ADAMTS17: variants seen among roughly 807,000 people sequenced by gnomAD.
ADAMTS17 encodes A disintegrin and metalloproteinase with thrombospondin motifs 17.
Under a neutral mutation model 141.5 loss-of-function variants are expected in ADAMTS17, and 113 were observed. That is an observed-to-expected ratio of 0.80 (90% confidence interval 0.69 to 0.93). The LOEUF is 0.93. Among genes scored for constraint, ADAMTS17 ranks in the 40% least tolerant of loss-of-function variants. ADAMTS17 has a pLI of 0.00. For synonymous variants in ADAMTS17, 768 were observed against 630.6 expected, an observed-to-expected ratio of 1.22 and a Z score of -3.27; for missense variants, 1,659 against 1,517.9, an observed-to-expected ratio of 1.09 and a Z score of -1.54.
chr15:100,280,501 G>T (rs966489740), intron 4 of ADAMTS17, among the ~76,000 whole-genome samples: 3 of 151,962 alleles, frequency 2.0e-5, no homozygotes, highest in African/African-American at 7.3e-5. Flanking sequence ...TCGGCACACT[G>T]CTCCCCTCCC....
chr15:100,106,364 A>C (rs567522502), intron 14 of ADAMTS17, among the ~76,000 whole-genome samples: 52 of 152,360 alleles, frequency 3.4e-4, no homozygotes, highest in African/African-American at 1.2e-3. Flanking sequence ...GACGACACCC[A>C]AGTGCAGAAC....
chr15:100,290,648 A>G (rs1238051446), intron 3 of ADAMTS17, among the ~76,000 whole-genome samples: 1 of 152,198 alleles, frequency 6.6e-6, no homozygotes, highest in African/African-American at 2.4e-5. Context: ...GCACTTGTAC[A>G]AAAACAGACA....
At chr15:100,078,073 A>G (rs1298335219) in intron 15 of ADAMTS17, among the ~76,000 whole-genome samples, 2 of 152,238 alleles carry the variant, frequency 1.3e-5, no homozygotes, top group Non-Finnish European at 2.9e-5. Context: ...GAAGACTACA[A>G]TACATTGCTG....
chr15:100,191,947 A>G (rs2040933661), intron 8 of ADAMTS17, among the ~76,000 whole-genome samples: 1 of 152,222 alleles, frequency 6.6e-6, no homozygotes, highest in African/African-American at 2.4e-5. Flanking sequence ...TCACCAGCAA[A>G]ACACCCTGAT....
chr15:100,094,032 T>C lies in ADAMTS17; in HGVS notation c.2137+2324A>G, dbSNP rs1043657495. Among the ~76,000 whole-genome samples, 13 of 151,862 alleles carry C rather than the reference T, an allele frequency of 8.6e-5. No homozygotes were observed. In the South Asian group the frequency reaches 1.5e-3, roughly 17 times the overall value. Reference sequence around the variant, plus strand: ...GAGTACTGCAGGCAGATTTTCAATATATACAATCCACATGGATGTGGGCTC... The same window carrying C: ...GAGTACTGCAGGCAGATTTTCAATACATACAATCCACATGGATGTGGGCTC... On this transcript the variant is annotated intron_variant, in intron 15 of 21. Coordinates refer to ENST00000268070, the MANE Select transcript of ADAMTS17 (RefSeq NM_139057.4).
intron 2 of ADAMTS17, among the ~76,000 whole-genome samples, chr15:100,331,835 G>C (rs1433730392): frequency 1.3e-5 from 2 of 152,134 alleles, no homozygotes; most frequent in East Asian, 3.9e-4. Context: ...TCACCTGGAG[G>C]TCCTGCTGGA....
At chr15:100,074,542 C>G (rs546593771) in intron 15 of ADAMTS17, among the ~76,000 whole-genome samples, 4 of 151,910 alleles carry the variant, frequency 2.6e-5, no homozygotes, top group Non-Finnish European at 5.9e-5. Context: ...AATATATTTT[C>G]TAATATAAAA....
chr15:100,137,606 A>G (rs1321307341), intron 10 of ADAMTS17, among the ~76,000 whole-genome samples: 6 of 152,210 alleles, frequency 3.9e-5, no homozygotes, highest in Non-Finnish European at 5.9e-5. Context: ...CTCTTCCAGT[A>G]CACAACAGCT....
chr15:100,324,148 TA>T (rs1238454999), intron 3 of ADAMTS17, among the ~76,000 whole-genome samples: 1 of 151,944 alleles, frequency 6.6e-6, no homozygotes, highest in Non-Finnish European at 1.5e-5. Flanking sequence ...CTACTAAAAG[TA>T]CAGAAATCAG....
intron 10 of ADAMTS17, among the ~76,000 whole-genome samples, chr15:100,140,505 ATATC>A (rs1425856075): frequency 1.1e-4 from 16 of 148,220 alleles, no homozygotes; most frequent in Admixed American, 2.7e-4. Context: ...ATATATATAT[ATATC>A]CAGTAAAGAC....
chr15:100,191,187 C>T (rs774216654), intron 8 of ADAMTS17, among the ~76,000 whole-genome samples: 3 of 152,208 alleles, frequency 2.0e-5, no homozygotes, highest in Non-Finnish European at 4.4e-5. Context: ...TTATTTTAGG[C>T]AAGGGAATCT....
chr15:100,091,010 C>CAAAAAA (rs556800178), intron 15 of ADAMTS17, among the ~76,000 whole-genome samples: 4 of 54,602 alleles, frequency 7.3e-5, no homozygotes, highest in African/African-American at 2.1e-4. Flanking sequence ...TCCGTCTCAA[C>CAAAAAA]AAAAAAAAAA....
intron 18 of ADAMTS17, among the ~76,000 whole-genome samples, chr15:100,047,816 A>G (rs143682789): frequency 6.6e-6 from 1 of 152,236 alleles, no homozygotes; most frequent in East Asian, 1.9e-4. Flanking sequence ...GACCTGATGG[A>G]CTGATCGATA....
At chr15:100,064,226 G>T (rs545851337) in intron 15 of ADAMTS17, among the ~76,000 whole-genome samples, 36 of 152,274 alleles carry the variant, frequency 2.4e-4, no homozygotes, top group Admixed American at 2.3e-3. Flanking sequence ...GCCACAGACT[G>T]CCAGCAAACC....
intron 7 of ADAMTS17, among the ~76,000 whole-genome samples, chr15:100,212,962 C>A (rs556434792): frequency 6.6e-6 from 1 of 151,782 alleles, no homozygotes; most frequent in Non-Finnish European, 1.5e-5. Flanking sequence ...GTTAAGCATC[C>A]AATTTAAATT....
chr15:100,084,118 C>A (rs1284967723), intron 15 of ADAMTS17, among the ~76,000 whole-genome samples: 1 of 152,092 alleles, frequency 6.6e-6, no homozygotes, highest in South Asian at 2.1e-4. Context: ...ACAGACGGCA[C>A]CTGGAAAATC....
At chr15:100,200,938 A>G (rs758397823) in intron 7 of ADAMTS17, among the ~76,000 whole-genome samples, 7 of 152,112 alleles carry the variant, frequency 4.6e-5, no homozygotes, top group Non-Finnish European at 8.8e-5. Context: ...CGAGCTGCAC[A>G]TTGCTCCTTT....
intron 18 of ADAMTS17, among the ~76,000 whole-genome samples, chr15:100,020,445 C>G (rs1461728242): frequency 6.6e-6 from 1 of 152,168 alleles, no homozygotes; most frequent in Non-Finnish European, 1.5e-5. Flanking sequence ...GGGGCTCTGG[C>G]ATGCAGCTTT....
At chr15:100,332,144 C>T (rs1194285684) in intron 2 of ADAMTS17, among the ~76,000 whole-genome samples, 1 of 152,168 alleles carries the variant, frequency 6.6e-6, no homozygotes, top group East Asian at 1.9e-4. Context: ...GAACTTTTGC[C>T]AAGAAAAACT....
Sources: gnomAD v4.1 joint callset for allele counts (sites outside exome capture counted in the v4.1 genomes callset) on GRCh38, gnomAD v4.1.1 for gene constraint, MANE v1.5 for transcripts, NCBI Gene and HGNC (gene_info 2026-07-23, HGNC 2026-07-21) for gene names.